The following EFCAB6 variants were observed in gnomAD, a reference collection of about 807,000 sequenced individuals.
EFCAB6 encodes the protein EF-hand calcium-binding domain-containing protein 6.
In EFCAB6, 156 loss-of-function variants were observed where a neutral mutation model predicts 169.8. The ratio of observed to expected loss-of-function variants is 0.92; its 90% CI spans 0.81 to 1.05. The LOEUF (loss-of-function observed/expected upper bound fraction) is 1.05. Ranked by LOEUF, EFCAB6 falls within the 50% of genes least tolerant of loss-of-function variation. The pLI is 0.00. For synonymous variants in EFCAB6, 698 were observed against 676.4 expected (o/e 1.03, Z -0.50); for missense variants, 1,800 against 1,829.1 (o/e 0.98, Z 0.29).
intron 17 of EFCAB6, among the ~76,000 whole-genome samples, chr22:43,653,788 G>T (rs1215142733): frequency 6.6e-6 from 1 of 152,116 alleles, no homozygotes; most frequent in Non-Finnish European, 1.5e-5. Context: ...TGGAGGAAGG[G>T]GCAGGGGGAG....
chr22:43,606,822 C>T (rs2052951182), intron 22 of EFCAB6, among the ~76,000 whole-genome samples: 1 of 152,210 alleles, frequency 6.6e-6, no homozygotes, highest in South Asian at 2.1e-4. Context: ...CAGTGAGTGT[C>T]CACCTCCAAT....
At chr22:43,760,997 T>C (rs928817679) in intron 5 of EFCAB6, among the ~76,000 whole-genome samples, 3 of 152,242 alleles carry the variant, frequency 2.0e-5, no homozygotes, top group Non-Finnish European at 4.4e-5. Context: ...CTTAAAAACA[T>C]GTGCTAGACA....
rs543499237 is a variant in EFCAB6, at chr22:43,580,741, T to G, written c.3033-82A>C. 4.9e-6 allele frequency: 7 copies of G among 1,434,788 alleles called. No individual in the cohort carries two copies. The South Asian group carries it at 9.0e-5, about 18-fold the overall frequency. The allele number at this position is 1,434,788 out of a possible 1,614,324, so 88.9% of individuals were successfully genotyped here. A position where few individuals can be genotyped will look rare whatever the true frequency, so the allele number is the denominator to read the frequency against. On this transcript the variant is annotated intron_variant, in intron 24 of 31. Coordinates refer to ENST00000262726, the MANE Select transcript of EFCAB6 (RefSeq NM_022785.4). ...ATTCATTCAACAGTTGCTGAGCACA[T>G]TGGGCAATGTGGGGAAAATGAATAA...
rs751511228 is a variant in EFCAB6 at position 43,528,835 on chromosome 22, G to T, written c.*18C>A. The T allele has an allele frequency of 1.3e-6, 2 of 1,581,786 alleles. No individual in the cohort carries two copies. Among genetic ancestry groups the T allele is most frequent in the Non-Finnish European group, 1.7e-6 (2 of 1,154,484 alleles). ...AGGCCCTGTGGCTGTCGTCCCGCTG[G>T]GCACACAGCAGGGGTGTCTACTGGA... On this transcript the variant is annotated 3_prime_UTR_variant, in exon 32 of 32. Coordinates refer to ENST00000262726, the MANE Select transcript of EFCAB6 (RefSeq NM_022785.4).
intron 9 of EFCAB6, among the ~76,000 whole-genome samples, chr22:43,712,550 G>A (rs1405470740): frequency 6.6e-6 from 1 of 152,186 alleles, no homozygotes; most frequent in Non-Finnish European, 1.5e-5. Context: ...AATATTTAGA[G>A]ATATAAGTTC....
At chr22:43,783,727 G>A (rs1002883363) in intron 2 of EFCAB6, among the ~76,000 whole-genome samples, 1 of 152,152 alleles carries the variant, frequency 6.6e-6, no homozygotes, top group African/African-American at 2.4e-5. Flanking sequence ...GGAAAGGGAT[G>A]AGAATATGAT....
intron 10 of EFCAB6, among the ~76,000 whole-genome samples, chr22:43,700,405 A>T (rs1332578127): frequency 6.6e-6 from 1 of 152,136 alleles, no homozygotes; most frequent in African/African-American, 2.4e-5. Context: ...ATTTTATTTT[A>T]CTTCCTTCTT....
Position 43,537,294 on chromosome 22 carries a change from G to T in EFCAB6, c.4048+83C>A. The T allele has an allele frequency of 2.6e-6, 4 of 1,512,624 alleles. No individual in the cohort carries two copies. Among genetic ancestry groups the T allele is most frequent in the Non-Finnish European group, 2.7e-6 (3 of 1,116,520 alleles). 93.7% of individuals were successfully genotyped at this position (1,512,624 alleles called of 1,614,324 possible). ...CTGCTGCTCCCTGGCCTCCACCCGG[G>T]GTGTGGCTTTGTACCCAGTGGGAAC... On this transcript the variant is annotated intron_variant, in intron 29 of 31. Coordinates refer to ENST00000262726, the MANE Select transcript of EFCAB6 (RefSeq NM_022785.4). The surrounding 1 kb of genome is among the most constrained non-coding windows in gnomAD (Gnocchi z 4.3).
At chr22:43,732,365 A>T (rs1355186056) in intron 7 of EFCAB6, among the ~76,000 whole-genome samples, 1 of 151,870 alleles carries the variant, frequency 6.6e-6, no homozygotes, top group Non-Finnish European at 1.5e-5. Flanking sequence ...TGGGTGGAGG[A>T]GGCAAAGTTT....
intron 2 of EFCAB6, among the ~76,000 whole-genome samples, chr22:43,792,750 T>C (rs1307479592): frequency 2.0e-5 from 3 of 152,198 alleles, no homozygotes; most frequent in Admixed American, 6.5e-5. Flanking sequence ...ACTAAGCCTC[T>C]CTCTTCCAGA....
chr22:43,702,647 T>A (rs548091766), intron 10 of EFCAB6, among the ~76,000 whole-genome samples: 2 of 152,278 alleles, frequency 1.3e-5, no homozygotes, highest in South Asian at 4.1e-4. Flanking sequence ...GGAAATGGCA[T>A]GGCTAGACCA....
chr22:43,636,989 T>C (rs1165831740), intron 17 of EFCAB6, among the ~76,000 whole-genome samples: 2 of 152,064 alleles, frequency 1.3e-5, no homozygotes, highest in Non-Finnish European at 2.9e-5. Context: ...AGAGAGGAGA[T>C]GAAAATGGAC....
At chr22:43,536,484 G>A (rs1283399430) in intron 29 of EFCAB6, 3 of 152,132 alleles carry the variant, frequency 2.0e-5, no homozygotes, top group Non-Finnish European at 4.4e-5. Flanking sequence ...TGTTGGGGGA[G>A]CTAAAAAGCC....
At chr22:43,738,870 G>A (rs2060264390) in intron 6 of EFCAB6, among the ~76,000 whole-genome samples, 2 of 152,210 alleles carry the variant, frequency 1.3e-5, no homozygotes, top group African/African-American at 2.4e-5. Context: ...ACATGAGACA[G>A]GTGCCTCCTG....
chr22:43,760,076 C>T (rs145439684), intron 5 of EFCAB6, among the ~76,000 whole-genome samples: 111 of 151,948 alleles, frequency 7.3e-4, no homozygotes, highest in Middle Eastern at 6.8e-3. Context: ...TGGTGGCACA[C>T]ACCTGTAATC....
chr22:43,809,742 G>C (rs928035547), intron 1 of EFCAB6, among the ~76,000 whole-genome samples: 7 of 152,034 alleles, frequency 4.6e-5, no homozygotes, highest in African/African-American at 1.7e-4. Context: ...GGAGTAGCTG[G>C]GATTACAGGT....
At chr22:43,543,965 C>G (rs1451628243) in intron 27 of EFCAB6, among the ~76,000 whole-genome samples, 1 of 151,794 alleles carries the variant, frequency 6.6e-6, no homozygotes, top group African/African-American at 2.4e-5. Context: ...CTCCTTGAGA[C>G]CAGCTCTACG....
chr22:43,662,357 T>G (rs1175495662), intron 17 of EFCAB6, among the ~76,000 whole-genome samples: 1 of 151,848 alleles, frequency 6.6e-6, no homozygotes, highest in Non-Finnish European at 1.5e-5. Context: ...TGATCCGGGG[T>G]AGGCAGCCAC....
At position 43,727,888 on chromosome 22, in the gene EFCAB6, GT is replaced by G. The variant is rs900549409; in HGVS notation, c.757+3810del. ...TCGAGCATCTGCTCGGCTTCAAGAA[GT>G]TTTTTTTTTTTCTTTTTAAATTATA... On this transcript the variant is annotated intron_variant, in intron 8 of 31. Coordinates refer to ENST00000262726, the MANE Select transcript of EFCAB6 (RefSeq NM_022785.4). Among the ~76,000 whole-genome samples, 406 of 146,614 alleles carry G rather than the reference GT, an allele frequency of 2.8e-3. 1 individual carries two copies. The highest frequency in any genetic ancestry group is 0.017 in the Middle Eastern group (5 of 286).
Sources: allele counts gnomAD v4.1 joint callset (sites outside exome capture counted in the v4.1 genomes callset), GRCh38; gene constraint gnomAD v4.1.1; non-coding constraint Gnocchi (gnomAD v3.1); transcripts MANE v1.5; gene names NCBI Gene and HGNC (gene_info 2026-07-23, HGNC 2026-07-21).